Variants in GLYATL2 observed in about 807,000 individuals in gnomAD.
The protein encoded by GLYATL2 is glycine-N-acyltransferase like 2, also known as glycine N-acyltransferase-like protein 2.
GLYATL2 carries 25 observed loss-of-function variants against 21.4 expected under a neutral mutation model. That is an observed-to-expected ratio of 1.17 (90% confidence interval 0.85 to 1.63). The LOEUF (loss-of-function observed/expected upper bound fraction) is 1.63. GLYATL2 is among the 40% of genes most tolerant of loss of function. The probability of loss-of-function intolerance (pLI) is 0.00; values close to 1 mark genes in which losing one functional copy is unlikely to be tolerated. For missense variants in GLYATL2, 361 were observed against 343.3 expected (o/e 1.05, Z -0.41); for synonymous variants, 114 against 118.2 (o/e 0.96, Z 0.23).
At chr11:58,862,789 C>T (rs1853954323) in intron 1 of GLYATL2, among the ~76,000 whole-genome samples, 1 of 151,548 alleles carries the variant, frequency 6.6e-6, no homozygotes, top group African/African-American at 2.4e-5. Context: ...TCAGAAAGTT[C>T]ATAAGCCTTT....
At chr11:58,874,148 T>C (rs1476885605) in intron 1 of GLYATL2, among the ~76,000 whole-genome samples, 1 of 151,674 alleles carries the variant, frequency 6.6e-6, no homozygotes, top group Non-Finnish European at 1.5e-5. Flanking sequence ...CCCTTTGTCA[T>C]TTTTTTATTG....
upstream of GLYATL2, among the ~76,000 whole-genome samples, chr11:58,846,751 G>A (rs1171619955): frequency 6.6e-6 from 1 of 152,086 alleles, no homozygotes; most frequent in Non-Finnish European, 1.5e-5. Flanking sequence ...AACGTGAAAG[G>A]CAGTGTAAAC....
intron 1 of GLYATL2, among the ~76,000 whole-genome samples, chr11:58,859,858 A>G (rs577558821): frequency 1.3e-5 from 2 of 152,288 alleles, no homozygotes; most frequent in South Asian, 4.1e-4. Flanking sequence ...TTTCAACAGC[A>G]TTTATTAAAG....
intron 5 of GLYATL2, 135 bp from the exon 6 acceptor site, chr11:58,834,972 C>G (rs775732518): frequency 2.3e-5 from 14 of 617,674 alleles, no homozygotes; most frequent in Non-Finnish European, 3.9e-5. Flanking sequence ...TAACAACTAC[C>G]TTTTCTATTT....
chr11:58,834,688 C>A lies in GLYATL2; in HGVS notation c.626G>T (p.Gly209Val), dbSNP rs1274027937. The stretch of plus-strand genomic sequence containing the variant: ...CATCACAATCCAAGAGACAAGCTGG[C>A]CCTCTGGACCCAGCACACCAAATCC... ...FLGFGVLGPE[G>V]QLVSWIVMEQ... Residue 209 changes from glycine (G) to valine (V), a missense_variant, in exon 6 of 6, where the codon GGC (glycine) becomes GTC (valine). Gly to Val is a moderately radical substitution (Grantham distance 109). Transcript: ENST00000287275. 3 of 1,613,442 alleles carry A rather than the reference C, an allele frequency of 1.9e-6. No individual in the cohort carries two copies. The African/African-American group carries it at 4.0e-5, about 22-fold the overall frequency.
intron 1 of GLYATL2, among the ~76,000 whole-genome samples, chr11:58,876,470 G>A (rs1854235289): frequency 1.3e-5 from 2 of 152,156 alleles, no homozygotes; most frequent in Admixed American, 6.5e-5. Context: ...GGTTTTTGGT[G>A]TGGATGTCCT....
intron 1 of GLYATL2, among the ~76,000 whole-genome samples, chr11:58,900,561 TG>T (rs1379546299): frequency 1.3e-5 from 2 of 152,130 alleles, no homozygotes; most frequent in East Asian, 3.9e-4. Flanking sequence ...CCTTACACCG[TG>T]ACGCTTTTAA....
upstream of GLYATL2, among the ~76,000 whole-genome samples, chr11:58,847,786 C>T (rs1303518878): frequency 1.3e-5 from 2 of 152,154 alleles, no homozygotes; most frequent in Admixed American, 1.3e-4. Context: ...AGCACACAGG[C>T]CTTGCTGGCT....
At chr11:58,855,359 G>A (rs1853810492) in intron 1 of GLYATL2, among the ~76,000 whole-genome samples, 1 of 152,170 alleles carries the variant, frequency 6.6e-6, no homozygotes, top group South Asian at 2.1e-4. Flanking sequence ...ATGAATAGGT[G>A]CTTTTTCAAT....
At chr11:58,875,540 C>G (rs937999408) in intron 1 of GLYATL2, among the ~76,000 whole-genome samples, 7 of 152,146 alleles carry the variant, frequency 4.6e-5, no homozygotes, top group African/African-American at 1.7e-4. Context: ...ATTTCTCCTT[C>G]ACTTATGAAG....
intron 1 of GLYATL2, among the ~76,000 whole-genome samples, chr11:58,902,308 T>A (rs947234460): frequency 3.9e-5 from 6 of 152,082 alleles, no homozygotes; most frequent in Admixed American, 3.9e-4. Context: ...GTCTGACACA[T>A]CCCCAGAAGC....
chr11:58,896,122 G>A (rs2187269), intron 1 of GLYATL2, among the ~76,000 whole-genome samples: 131,634 of 152,120 alleles, frequency 0.87, 58,355 homozygotes, highest in Non-Finnish European at 0.96. Flanking sequence ...CCGAAAGTGC[G>A]AGTATTACAG....
intron 1 of GLYATL2, among the ~76,000 whole-genome samples, chr11:58,898,343 C>T (rs1854669342): frequency 6.6e-6 from 1 of 152,190 alleles, no homozygotes; most frequent in Admixed American, 6.5e-5. Context: ...CAGAATTTCC[C>T]TTGCAGTGTG....
At chr11:58,882,880 G>A (rs1854365948) in intron 1 of GLYATL2, among the ~76,000 whole-genome samples, 1 of 152,124 alleles carries the variant, frequency 6.6e-6, no homozygotes, top group Non-Finnish European at 1.5e-5. Context: ...GTAGATGTGT[G>A]GTATTATTTC....
intron 1 of GLYATL2, among the ~76,000 whole-genome samples, chr11:58,901,740 A>G (rs2134630467): frequency 6.6e-6 from 1 of 152,298 alleles, no homozygotes; most frequent in East Asian, 1.9e-4. Context: ...GTGAAATGGG[A>G]TCAACAGTCA....
chr11:58,884,099 G>A (rs1246154615), intron 1 of GLYATL2, among the ~76,000 whole-genome samples: 2 of 152,220 alleles, frequency 1.3e-5, no homozygotes, highest in Admixed American at 6.5e-5. Context: ...CAAACCCACG[G>A]CCACTATCAT....
At chr11:58,847,827 C>G (rs1309262454), upstream of GLYATL2, among the ~76,000 whole-genome samples, 2 of 152,054 alleles carry the variant, frequency 1.3e-5, no homozygotes, top group Admixed American at 6.5e-5. Flanking sequence ...AGTTCCAGAG[C>G]CTTAAGTGAA....
At chr11:58,876,715 C>A (rs903735848) in intron 1 of GLYATL2, among the ~76,000 whole-genome samples, 13 of 152,334 alleles carry the variant, frequency 8.5e-5, no homozygotes, top group African/African-American at 2.9e-4. Flanking sequence ...GGGTGCCTCC[C>A]AGTTAGGCTA....
upstream of GLYATL2, among the ~76,000 whole-genome samples, chr11:58,847,778 C>G (rs1853669001): frequency 6.6e-6 from 1 of 152,212 alleles, no homozygotes; most frequent in African/African-American, 2.4e-5. Flanking sequence ...TGATGGGAAG[C>G]ACACAGGCCT....
Sources: allele counts gnomAD v4.1 joint callset (sites outside exome capture counted in the v4.1 genomes callset), GRCh38; gene constraint gnomAD v4.1.1; transcripts MANE v1.5; gene names NCBI Gene and HGNC (gene_info 2026-07-23, HGNC 2026-07-21).